Variants in PLCZ1 observed in about 807,000 individuals in gnomAD.
PLCZ1 encodes phospholipase C zeta 1, also known as 1-phosphatidylinositol 4,5-bisphosphate phosphodiesterase zeta-1.
Under a neutral mutation model 76.8 loss-of-function variants are expected in PLCZ1, and 64 were observed. That is an observed-to-expected ratio of 0.83 (90% CI 0.68 to 1.03). The LOEUF is 1.03. Among genes scored for constraint, PLCZ1 ranks in the 50% least tolerant of loss-of-function variants. PLCZ1 has a pLI of 0.00. For synonymous variants in PLCZ1, 248 were observed against 230.8 expected, an observed-to-expected ratio of 1.07 and a Z score of -0.68; for missense variants, 751 against 713.7, an observed-to-expected ratio of 1.05 and a Z score of -0.60.
At chr12:18,724,948 C>T (rs1019344525) in intron 3 of PLCZ1, among the ~76,000 whole-genome samples, 1 of 152,020 alleles carries the variant, frequency 6.6e-6, no homozygotes, top group Non-Finnish European at 1.5e-5. Context: ...AGAGTATAAG[C>T]TTGGTCATCC....
At chr12:18,699,713 A>T (rs1955630548) in intron 10 of PLCZ1, 81 bp downstream of exon 10, 2 of 1,365,198 alleles carry the variant, frequency 1.5e-6, no homozygotes, top group South Asian at 2.4e-5. Flanking sequence ...CATTTTATAA[A>T]TATCATTGAG....
chr12:18,701,158 T>C (rs916901466), intron 9 of PLCZ1, among the ~76,000 whole-genome samples: 3 of 152,026 alleles, frequency 2.0e-5, no homozygotes, highest in African/African-American at 4.8e-5. Context: ...CTAATTTTTG[T>C]ATTTTTAGTA....
chr12:18,726,193 T>C (rs977055608), intron 3 of PLCZ1, among the ~76,000 whole-genome samples: 1 of 152,096 alleles, frequency 6.6e-6, no homozygotes, highest in African/African-American at 2.4e-5. Flanking sequence ...GAAAAGAGAT[T>C]TAAAAATGCA....
At chr12:18,692,208 A>T (rs902801409) in intron 12 of PLCZ1, among the ~76,000 whole-genome samples, 1 of 152,130 alleles carries the variant, frequency 6.6e-6, no homozygotes, top group East Asian at 1.9e-4. Context: ...AAACACTACA[A>T]AATTCCAGGT....
intron 6 of PLCZ1, among the ~76,000 whole-genome samples, chr12:18,708,435 T>C (rs965783391): frequency 1.3e-5 from 2 of 152,234 alleles, no homozygotes; most frequent in African/African-American, 4.8e-5. Context: ...GTTGTTTCCA[T>C]ATCATGTCTA....
At position 18,693,775 on chromosome 12, in the gene PLCZ1, A is replaced by C. The variant is rs901377036; in HGVS notation, c.1461+1135T>G. 4 of 1,516,130 alleles carry C rather than the reference A, an allele frequency of 2.6e-6. No homozygotes were observed. In the African/African-American group the frequency reaches 4.1e-5, roughly 16 times the overall value. 93.9% of individuals were successfully genotyped at this position (1,516,130 alleles called of 1,614,324 possible). On this transcript the variant is annotated intron_variant, in intron 12 of 14. Coordinates refer to ENST00000266505, the MANE Select transcript of PLCZ1 (RefSeq NM_033123.4). ...TGAAAGCTATCATGGCCACAAACCA[A>C]ATAGAAACTTTGGATCCAGCGCTTA...
At chr12:18,673,949 G>T in the PLCZ1 span, among the ~76,000 whole-genome samples, 1 of 152,174 alleles carries the variant, frequency 6.6e-6, no homozygotes, top group Non-Finnish European at 1.5e-5. Flanking sequence ...CAAGATGGAA[G>T]TCACAATCAG....
downstream of PLCZ1, among the ~76,000 whole-genome samples, chr12:18,678,443 T>C (rs1443204543): frequency 2.0e-5 from 3 of 152,096 alleles, no homozygotes; most frequent in Admixed American, 6.6e-5. Flanking sequence ...TCAACCATCA[T>C]GATAATTGAG....
chr12:18,689,168 T>C (rs545461882), intron 12 of PLCZ1, among the ~76,000 whole-genome samples: 1 of 152,100 alleles, frequency 6.6e-6, no homozygotes, highest in African/African-American at 2.4e-5. Flanking sequence ...GCCATAAACA[T>C]ATAGTACACT....
In PLCZ1 at chr12:18,701,700, TCA is replaced by T. The variant is rs758210679; in HGVS notation, c.939_940del (p.Asp314Ter). The T allele has an allele frequency of 6.2e-7, 1 of 1,612,956 alleles. No individual in the cohort carries two copies. The highest frequency in any genetic ancestry group is 8.5e-7 in the Non-Finnish European group (1 of 1,179,572). ...CCATTCCTCCACCTTACCACGCTTA[TCA>T]GAACCTTTTCTTTCATGGGTTTCCT... is the stretch of plus-strand genomic sequence containing the variant. On this transcript the variant is annotated frameshift_variant, in exon 8 of 15. Transcript: ENST00000266505. LOFTEE classifies it high-confidence loss of function.
At chr12:18,671,374 GACACATGTAGGAGAAAGAACA>G in the PLCZ1 span, among the ~76,000 whole-genome samples, 2 of 152,006 alleles carry the variant, frequency 1.3e-5, no homozygotes, top group Non-Finnish European at 2.9e-5. Flanking sequence ...GGAAGAAACA[GACACATGTAGGAGAAAGAACA>G]CGAGAGCCTG....
At chr12:18,710,159 T>C (rs1459116083) in intron 6 of PLCZ1, among the ~76,000 whole-genome samples, 1 of 148,896 alleles carries the variant, frequency 6.7e-6, no homozygotes, top group East Asian at 2.0e-4. Flanking sequence ...CATTGCATTT[T>C]GTCTCTTTTT....
At chr12:18,668,297 GATA>G in the PLCZ1 span, among the ~76,000 whole-genome samples, 3 of 152,156 alleles carry the variant, frequency 2.0e-5, no homozygotes, top group African/African-American at 4.8e-5. Flanking sequence ...CTTCCCTACG[GATA>G]ATAATTCTTT....
the PLCZ1 span, among the ~76,000 whole-genome samples, chr12:18,660,963 A>G: frequency 6.6e-6 from 1 of 152,140 alleles, no homozygotes; most frequent in African/African-American, 2.4e-5. Context: ...AAAATATAGA[A>G]AACCCAAATG....
the PLCZ1 span, among the ~76,000 whole-genome samples, chr12:18,647,023 G>A: frequency 1.2e-4 from 18 of 151,756 alleles, no homozygotes; most frequent in Non-Finnish European, 1.5e-5. Context: ...ACATCAAAAT[G>A]TTAACTGTAA....
intron 4 of PLCZ1, among the ~76,000 whole-genome samples, chr12:18,722,513 G>A (rs190200844): frequency 4.7e-4 from 71 of 152,082 alleles, no homozygotes; most frequent in Middle Eastern, 3.4e-3. Flanking sequence ...ACTTTCATAC[G>A]CCCCTCCTAG....
chr12:18,719,872 T>C lies in PLCZ1; in HGVS notation c.368-240A>G, dbSNP rs189850984. 9.2e-5 allele frequency among the ~76,000 whole-genome samples: 14 copies of C among 152,198 alleles called. No homozygotes were observed. In the East Asian group the frequency reaches 2.7e-3, roughly 29 times the overall value. On this transcript the variant is annotated intron_variant, in intron 4 of 14. Coordinates refer to ENST00000266505, the MANE Select transcript of PLCZ1 (RefSeq NM_033123.4). ...TTATTTAATTATCTCTTTTTTTATGTTTTGAAAATACACACAAGAAAAGTA... is the reference window on the plus strand; with the variant it reads ...TTATTTAATTATCTCTTTTTTTATGCTTTGAAAATACACACAAGAAAAGTA...
At chr12:18,665,443 T>C in the PLCZ1 span, among the ~76,000 whole-genome samples, 1 of 152,266 alleles carries the variant, frequency 6.6e-6, no homozygotes, top group South Asian at 2.1e-4. Flanking sequence ...TGGTAATGTA[T>C]TTTAGGTTTG....
At chr12:18,700,315 A>G (rs1030991381) in intron 9 of PLCZ1, among the ~76,000 whole-genome samples, 2 of 151,868 alleles carry the variant, frequency 1.3e-5, no homozygotes, top group Admixed American at 1.3e-4. Flanking sequence ...AACATTTGCC[A>G]TTTCACAACC....
Sources: gnomAD v4.1 joint callset for allele counts (sites outside exome capture counted in the v4.1 genomes callset) on GRCh38, gnomAD v4.1.1 for gene constraint, MANE v1.5 for transcripts, NCBI Gene and HGNC (gene_info 2026-07-23, HGNC 2026-07-21) for gene names.